The following CDH13 variants were observed in gnomAD, a reference collection of about 807,000 sequenced individuals.
The protein encoded by CDH13 is cadherin 13.
Under a neutral mutation model 63.8 loss-of-function variants are expected in CDH13, and 24 were observed. The observed-to-expected ratio is 0.38, with a 90% CI of 0.27 to 0.53. The LOEUF is 0.53. Among genes scored for constraint, CDH13 ranks in the 20% least tolerant of loss-of-function variants. CDH13 has a pLI of 0.85. For synonymous variants in CDH13, 503 were observed against 355.3 expected, an observed-to-expected ratio of 1.42 and a Z score of -4.67; for missense variants, 1,049 against 903.1, an observed-to-expected ratio of 1.16 and a Z score of -2.07.
intron 1 of CDH13, among the ~76,000 whole-genome samples, chr16:82,631,120 C>T (rs1907958912): frequency 6.6e-6 from 1 of 151,756 alleles, no homozygotes; most frequent in Admixed American, 6.6e-5. Context: ...CGCTAGCTTT[C>T]TTCTTGCTTT....
At chr16:83,566,504 C>T (rs1904281660) in intron 7 of CDH13, among the ~76,000 whole-genome samples, 1 of 140,004 alleles carries the variant, frequency 7.1e-6, no homozygotes, top group Non-Finnish European at 1.6e-5. Flanking sequence ...AGGCAGAGCC[C>T]CACCTCCATT....
At chr16:83,452,717 A>G (rs944350236) in intron 6 of CDH13, among the ~76,000 whole-genome samples, 7 of 152,356 alleles carry the variant, frequency 4.6e-5, no homozygotes, top group Non-Finnish European at 8.8e-5. Context: ...TAGATGTACA[A>G]TGCAGTGTGA....
At chr16:83,164,922 T>C (rs368317074) in intron 4 of CDH13, among the ~76,000 whole-genome samples, 1 of 151,786 alleles carries the variant, frequency 6.6e-6, no homozygotes. Flanking sequence ...TTGGAGAGTT[T>C]CATTGTTTGC....
chr16:83,103,101 T>A (rs189697247), intron 3 of CDH13, among the ~76,000 whole-genome samples: 51 of 151,590 alleles, frequency 3.4e-4, no homozygotes, highest in African/African-American at 1.2e-3. Flanking sequence ...TACAGGAGTG[T>A]GCCACCACGC....
At chr16:83,276,973 GACTT>G (rs977850171) in intron 5 of CDH13, among the ~76,000 whole-genome samples, 1 of 152,152 alleles carries the variant, frequency 6.6e-6, no homozygotes, top group Non-Finnish European at 1.5e-5. Context: ...GATCTCATGA[GACTT>G]ACAATCATGA....
At chr16:82,787,157 C>G (rs1030070726) in intron 1 of CDH13, among the ~76,000 whole-genome samples, 1 of 152,166 alleles carries the variant, frequency 6.6e-6, no homozygotes, top group South Asian at 2.1e-4. Context: ...TGGGGCTGGT[C>G]TCAGGCTAGG....
chr16:83,558,405 G>C (rs898205111), intron 7 of CDH13, among the ~76,000 whole-genome samples: 1 of 152,206 alleles, frequency 6.6e-6, no homozygotes, highest in Non-Finnish European at 1.5e-5. Flanking sequence ...AGAGCATCTA[G>C]ATTTGTCTGT....
At chr16:83,113,027 C>G (rs1203643421) in intron 3 of CDH13, among the ~76,000 whole-genome samples, 2 of 152,162 alleles carry the variant, frequency 1.3e-5, no homozygotes, top group African/African-American at 2.4e-5. Flanking sequence ...AACGCAAAAG[C>G]AGGGAGCGTG....
At chr16:83,724,072 C>T (rs1333252066) in intron 10 of CDH13, among the ~76,000 whole-genome samples, 1 of 150,536 alleles carries the variant, frequency 6.6e-6, no homozygotes, top group African/African-American at 2.5e-5. Context: ...GTGATGAATG[C>T]ATGGGTGAGT....
rs77159618 is a variant in CDH13 at position 83,782,974 on chromosome 16, C to T, written c.1916-280C>T. Among the ~76,000 whole-genome samples, 6,424 of 152,090 alleles carry T rather than the reference C, an allele frequency of 0.042. 176 individuals are homozygous for T. Among genetic ancestry groups the T allele is most frequent in the Middle Eastern group, 0.082 (24 of 294 alleles). Reference sequence around the variant, plus strand: ...TCCTTGAAACTGATTATAATCGCGCCGAGGCACAGAACTCTGGTGATGGAA... The same window carrying T: ...TCCTTGAAACTGATTATAATCGCGCTGAGGCACAGAACTCTGGTGATGGAA... On this transcript the variant is annotated intron_variant, in intron 12 of 13. Transcript: ENST00000567109.
Position 82,985,126 on chromosome 16 carries a change from A to T in CDH13, c.158-46884A>T, listed in dbSNP as rs371379537. On this transcript the variant is annotated intron_variant, in intron 2 of 13. Coordinates refer to ENST00000567109, the MANE Select transcript of CDH13 (RefSeq NM_001257.5). ...AGTAATAGTAGTTGCTGTATTTCTC[A>T]TAAGTGTTGAAAAGGAATCCTTACA... 2.2e-4 allele frequency among the ~76,000 whole-genome samples: 34 copies of T among 152,320 alleles called. No homozygotes were observed. In the South Asian group the frequency reaches 7.1e-3, roughly 32 times the overall value.
intron 2 of CDH13, among the ~76,000 whole-genome samples, chr16:83,013,509 G>T (rs1356718835): frequency 1.3e-5 from 2 of 152,140 alleles, no homozygotes; most frequent in Non-Finnish European, 2.9e-5. Flanking sequence ...CCTTCCACAT[G>T]ATCTGTACAC....
intron 1 of CDH13, among the ~76,000 whole-genome samples, chr16:82,835,449 A>T (rs1359932182): frequency 6.6e-6 from 1 of 152,198 alleles, no homozygotes; most frequent in African/African-American, 2.4e-5. Flanking sequence ...CAAGCTGCAA[A>T]TATTGTACCC....
intron 1 of CDH13, chr16:82,829,588 C>T (rs748220804): frequency 1.3e-5 from 2 of 152,026 alleles, no homozygotes; most frequent in African/African-American, 2.4e-5. Flanking sequence ...GGGAAACCAA[C>T]CAGCTATATA....
At chr16:83,279,137 A>C (rs983416070) in intron 5 of CDH13, among the ~76,000 whole-genome samples, 3 of 151,960 alleles carry the variant, frequency 2.0e-5, no homozygotes, top group East Asian at 3.9e-4. Context: ...ATTTAGTCAC[A>C]GGAAATAGTT....
intron 2 of CDH13, among the ~76,000 whole-genome samples, chr16:82,871,032 A>G (rs1170876490): frequency 3.3e-5 from 5 of 152,236 alleles, no homozygotes; most frequent in African/African-American, 1.2e-4. Context: ...TCATGGAGTC[A>G]AATGATGTTC....
chr16:83,421,063 G>A (rs2071700409), intron 6 of CDH13, among the ~76,000 whole-genome samples: 1 of 152,204 alleles, frequency 6.6e-6, no homozygotes, highest in Non-Finnish European at 1.5e-5. Flanking sequence ...TAAAAGCTGT[G>A]TAAGTGGATA....
At chr16:83,526,411 G>A (rs968395214) in intron 7 of CDH13, among the ~76,000 whole-genome samples, 1 of 152,186 alleles carries the variant, frequency 6.6e-6, no homozygotes, top group African/African-American at 2.4e-5. Flanking sequence ...GGATGAAACT[G>A]TTCCACCTAA....
intron 4 of CDH13, among the ~76,000 whole-genome samples, chr16:83,206,896 C>T (rs1479291349): frequency 3.7e-5 from 1 of 27,154 alleles, no homozygotes; most frequent in Non-Finnish European, 2.1e-4. Flanking sequence ...CTTCTCTGTG[C>T]ATTCAAACCA....
Sources: gnomAD v4.1 joint callset for allele counts (sites outside exome capture counted in the v4.1 genomes callset) on GRCh38, gnomAD v4.1.1 for gene constraint, MANE v1.5 for transcripts, NCBI Gene and HGNC (gene_info 2026-07-23, HGNC 2026-07-21) for gene names.